The following TAF1A variants were observed in gnomAD, a reference collection of about 807,000 sequenced individuals.
TAF1A encodes the protein TATA box-binding protein-associated factor RNA polymerase I subunit A.
TAF1A carries 42 observed loss-of-function variants against 61.6 expected under a neutral mutation model. That is an observed-to-expected ratio of 0.68 (90% CI 0.53 to 0.88). The LOEUF (loss-of-function observed/expected upper bound fraction) is 0.88. Ranked by LOEUF, TAF1A falls within the 40% of genes least tolerant of loss-of-function variation. The pLI is 0.00. For synonymous variants in TAF1A, 179 were observed against 177.7 expected (o/e 1.01, Z -0.06); for missense variants, 424 against 518.7 (o/e 0.82, Z 1.77).
intron 10 of TAF1A, among the ~76,000 whole-genome samples, chr1:222,560,637 G>A (rs531305308): frequency 6.6e-6 from 1 of 152,274 alleles, no homozygotes; most frequent in Admixed American, 6.5e-5. Flanking sequence ...TACATTCACT[G>A]AGACTACTAA....
In TAF1A at chr1:222,561,625, T is replaced by A. The variant is rs1571793989; in HGVS notation, c.1086-107A>T. The A allele has an allele frequency of 3.4e-6, 4 of 1,170,416 alleles. No individual in the cohort carries two copies. In the East Asian group the frequency reaches 1.1e-4, roughly 31 times the overall value. The allele number at this position is 1,170,416 out of a possible 1,614,324, so 72.5% of individuals were successfully genotyped here. On this transcript the variant is annotated intron_variant, in intron 9 of 10. Coordinates refer to ENST00000352967, the MANE Select transcript of TAF1A (RefSeq NM_005681.4). ...ACAGAAAGATGACAAGGAAGATGCTTCCAAGCTAAATTCTCAATATGGCCA... is the reference window on the plus strand; with the variant it reads ...ACAGAAAGATGACAAGGAAGATGCTACCAAGCTAAATTCTCAATATGGCCA...
chr1:222,587,511 C>T (rs76571294), intron 2 of TAF1A, among the ~76,000 whole-genome samples: 1 of 151,852 alleles, frequency 6.6e-6, no homozygotes, highest in Non-Finnish European at 1.5e-5. Context: ...AAAGGCTGGG[C>T]AAAAAAACAC....
rs185633116 is a variant in TAF1A at position 222,588,482 on chromosome 1, T to C, written c.82A>G (p.Met28Val). Residue 28 changes from methionine to valine, a missense_variant, in exon 2 of 11, where the codon ATG (methionine) becomes GTG (valine). Met to Val is a conservative substitution (Grantham distance 21). Transcript: ENST00000352967. ...TATGTTTGAAGCCAAGGAAAATGCA[T>C]TCCTGCACCACTGAGCACAGATGTT... is the stretch of plus-strand genomic sequence containing the variant. Reference protein sequence around the residue: ...VETSVLSGAGMHFPWLQTYVE... With the variant: ...VETSVLSGAGVHFPWLQTYVE... The C allele has an allele frequency of 6.2e-7, 1 of 1,614,056 alleles. No individual in the cohort carries two copies. Among genetic ancestry groups the C allele is most frequent in the South Asian group, 1.1e-5 (1 of 91,048 alleles).
At chr1:222,571,666 C>G (rs1004098864) in intron 5 of TAF1A, among the ~76,000 whole-genome samples, 9 of 151,646 alleles carry the variant, frequency 5.9e-5, no homozygotes, top group Admixed American at 5.3e-4. Context: ...AGAAATTTTA[C>G]AAAAGAGATG....
chr1:222,557,679 T>A (rs1659752767), downstream of TAF1A, among the ~76,000 whole-genome samples: 1 of 151,070 alleles, frequency 6.6e-6, no homozygotes, highest in Non-Finnish European at 1.5e-5. Flanking sequence ...ATGGTCTCAA[T>A]CTCTTGACCT....
chr1:222,565,001 T>C (rs984943387), intron 7 of TAF1A, among the ~76,000 whole-genome samples: 9 of 152,204 alleles, frequency 5.9e-5, no homozygotes, highest in Non-Finnish European at 1.2e-4. Context: ...TATTGAAATA[T>C]AACATGTAGT....
chr1:222,572,726 C>G (rs1321412905), intron 5 of TAF1A, among the ~76,000 whole-genome samples: 5 of 152,146 alleles, frequency 3.3e-5, no homozygotes, highest in South Asian at 2.1e-4. Context: ...TCAATAAATG[C>G]TACAACTGGA....
At chr1:222,563,427 G>A (rs1659993095) in intron 8 of TAF1A, 131 bp from the exon 9 acceptor site, 1 of 1,026,042 alleles carries the variant, frequency 9.7e-7, no homozygotes, top group Non-Finnish European at 1.4e-6. Flanking sequence ...TGAATCATAA[G>A]CCTTCTGGTT....
At position 222,584,121 on chromosome 1, in the gene TAF1A, T is replaced by G. The variant is rs1660915932; in HGVS notation, c.291+7A>C. On this transcript the variant is annotated splice_region_variant and intron_variant, in intron 3 of 10. Transcript: ENST00000352967. The stretch of plus-strand genomic sequence containing the variant: ...CATTTCTTCCAGCAAACTCAAATTT[T>G]ATTTACCTCAGGTGCAGCCTGCCTT... The G allele has an allele frequency of 1.9e-6, 3 of 1,604,754 alleles. No individual in the cohort carries two copies. The highest frequency in any genetic ancestry group is 2.5e-6 in the Non-Finnish European group (3 of 1,177,780).
rs143805809 is a variant in TAF1A, at chr1:222,564,477, GA to G, written c.895-353del. Among the ~76,000 whole-genome samples the G allele has an allele frequency of 2.0e-5, 3 of 151,584 alleles. No individual in the cohort carries two copies. The East Asian group carries it at 5.8e-4, about 29-fold the overall frequency. ...CAGAAGCCAGGACTGAAGAAAAAAA[GA>G]AAAAAATCAATTATCACACAGAAAA... is the stretch of plus-strand genomic sequence containing the variant. On this transcript the variant is annotated intron_variant, in intron 7 of 10. Coordinates refer to ENST00000352967, the MANE Select transcript of TAF1A (RefSeq NM_005681.4).
At chr1:222,583,996 C>T (rs1660909870) in intron 3 of TAF1A, 132 bp downstream of exon 3, 1 of 938,742 alleles carries the variant, frequency 1.1e-6, no homozygotes, top group African/African-American at 1.7e-5. Flanking sequence ...AATACAAACT[C>T]TCCACTCAAA....
Position 222,589,859 on chromosome 1 carries a change from G to A in TAF1A, c.-135C>T, listed in dbSNP as rs995271767. On this transcript the variant is annotated 5_prime_UTR_variant, in exon 1 of 11. Transcript: ENST00000352967. ...GCGCTAAACCTGGTTTAGGTATTTA[G>A]GCAGCGCGCGGCCCGGCTCGTAACT... 4.8e-5 allele frequency: 19 copies of A among 393,486 alleles called. No individual in the cohort carries two copies. The highest frequency in any genetic ancestry group is 6.7e-5 in the Non-Finnish European group (15 of 223,458). 24.4% of individuals were successfully genotyped at this position (393,486 alleles called of 1,614,324 possible). A position where few individuals can be genotyped will look rare whatever the true frequency, so the allele number is the denominator to read the frequency against.
At chr1:222,556,473 T>C (rs1025482655), downstream of TAF1A, among the ~76,000 whole-genome samples, 15 of 152,230 alleles carry the variant, frequency 9.9e-5, no homozygotes, top group African/African-American at 3.6e-4. Flanking sequence ...CCAACACCTA[T>C]GAGCTGTGAC....
intron 5 of TAF1A, among the ~76,000 whole-genome samples, chr1:222,573,915 A>G (rs1660461024): frequency 6.6e-6 from 1 of 152,230 alleles, no homozygotes; most frequent in African/African-American, 2.4e-5. Context: ...TCTATTCAGT[A>G]ATAGAAATGA....
At position 222,561,383 on chromosome 1, in the gene TAF1A, AG is replaced by A. The variant is rs781772752; in HGVS notation, c.1220del (p.Ala407ValfsTer5). On this transcript the variant is annotated frameshift_variant, in exon 10 of 11. Transcript: ENST00000352967. LOFTEE classifies it high-confidence loss of function. The part of the protein sequence containing the change: ...TALACEKAFV[A>X]GLLLGKGCRY... ...CTGTACCTTTTCCTAACAGTAAACC[AG>A]CCACAAAAGCTTTCTCACAGGCCAA... 6.2e-7 allele frequency: 1 copy of A among 1,606,406 alleles called. No homozygotes were observed. The highest frequency in any genetic ancestry group is 8.5e-7 in the Non-Finnish European group (1 of 1,177,676).
chr1:222,555,675 T>G (rs769676759), downstream of TAF1A, among the ~76,000 whole-genome samples: 30 of 152,202 alleles, frequency 2.0e-4, no homozygotes, highest in Non-Finnish European at 2.8e-4. Flanking sequence ...ATTACATACT[T>G]GTAATTTGTT....
At chr1:222,574,062 G>A (rs1188743273) in intron 5 of TAF1A, among the ~76,000 whole-genome samples, 2 of 152,110 alleles carry the variant, frequency 1.3e-5, no homozygotes, top group African/African-American at 4.8e-5. Flanking sequence ...GTCCAGAACA[G>A]GCAAATCTCT....
intron 5 of TAF1A, among the ~76,000 whole-genome samples, chr1:222,572,449 C>T (rs2936038): frequency 0.16 from 23,813 of 152,058 alleles, 2,008 homozygotes; most frequent in African/African-American, 0.22. Context: ...ACTCTACCTC[C>T]TGGGCTCAAG....
chr1:222,586,766 G>C (rs1661033636), intron 2 of TAF1A, among the ~76,000 whole-genome samples: 1 of 152,026 alleles, frequency 6.6e-6, no homozygotes, highest in Admixed American at 6.6e-5. Flanking sequence ...GGGGTTGCTG[G>C]GCATGCCCTT....
Sources: gnomAD v4.1 joint callset for allele counts (sites outside exome capture counted in the v4.1 genomes callset) on GRCh38, gnomAD v4.1.1 for gene constraint, MANE v1.5 for transcripts, NCBI Gene and HGNC (gene_info 2026-07-23, HGNC 2026-07-21) for gene names.